Variants in LCORL observed in about 807,000 individuals in gnomAD.
The protein encoded by LCORL is ligand dependent nuclear receptor corepressor like, also known as ligand-dependent nuclear receptor corepressor-like protein.
A neutral mutation model predicts 141.8 loss-of-function variants in LCORL; 41 were observed. The ratio of observed to expected loss-of-function variants is 0.29; its 90% confidence interval spans 0.23 to 0.38. The LOEUF (loss-of-function observed/expected upper bound fraction) is 0.38, where lower values mean the gene tolerates loss of function less well. Among genes scored for constraint, LCORL ranks in the 10% least tolerant of loss-of-function variants. The pLI, the probability that LCORL is intolerant of heterozygous loss-of-function variation, is 1.00. For missense variants in LCORL, 1,759 were observed against 2,035.0 expected (o/e 0.86, Z 2.61); for synonymous variants, 618 against 694.1 (o/e 0.89, Z 1.72).
At chr4:17,950,216 T>C (rs1401057445) in intron 4 of LCORL, among the ~76,000 whole-genome samples, 1 of 152,200 alleles carries the variant, frequency 6.6e-6, no homozygotes, top group Non-Finnish European at 1.5e-5. Flanking sequence ...AAAACTTGCA[T>C]ATGAAGGTAT....
chr4:17,876,177 A>T, exon 7 of LCORL: 1 of 1,230,980 alleles, frequency 8.1e-7, no homozygotes, highest in Non-Finnish European at 1.0e-6. Flanking sequence ...TACATTTTCA[A>T]CACTGGAAAT....
intron 4 of LCORL, among the ~76,000 whole-genome samples, chr4:17,939,105 A>G (rs753269918): frequency 1.4e-4 from 21 of 152,252 alleles, no homozygotes; most frequent in Admixed American, 3.9e-4. Flanking sequence ...CAACCCAATT[A>G]AAAATGAGCA....
exon 7 of LCORL, chr4:17,874,136 T>C (rs534517497): frequency 9.8e-5 from 121 of 1,233,912 alleles, no homozygotes; most frequent in Non-Finnish European, 1.2e-4. Context: ...TCCAGTCAAC[T>C]GTTCCATGGT....
Position 18,021,108 on chromosome 4 carries a change from C to G in LCORL, c.154+490G>C, listed in dbSNP as rs1337568095. ...CAGGTCCAGGTCCCCGGGAACTGGC[C>G]GCGTCTGCTCACCCGGCCCCCGGCG... On this transcript the variant is annotated intron_variant, in intron 1 of 7. Transcript: ENST00000635767. The surrounding 1 kb of genome is among the most constrained non-coding windows in gnomAD (Gnocchi z 5.5). Among the ~76,000 whole-genome samples, 2 of 152,036 alleles carry G rather than the reference C, an allele frequency of 1.3e-5. No individual in the cohort carries two copies. Among genetic ancestry groups the G allele is most frequent in the Non-Finnish European group, 2.9e-5 (2 of 67,978 alleles).
intron 5 of LCORL, among the ~76,000 whole-genome samples, chr4:17,886,463 T>G (rs773238004): frequency 1.3e-5 from 2 of 152,034 alleles, no homozygotes; most frequent in African/African-American, 4.8e-5. Flanking sequence ...TGAATAGCCA[T>G]TGATTGCTCA....
At chr4:17,903,272 T>C (rs1242050837) in intron 5 of LCORL, among the ~76,000 whole-genome samples, 1 of 152,090 alleles carries the variant, frequency 6.6e-6, no homozygotes, top group Non-Finnish European at 1.5e-5. Context: ...AGAGGTTTAC[T>C]ATAATGAAAG....
chr4:17,905,662 T>C (rs568636289), intron 5 of LCORL, among the ~76,000 whole-genome samples: 1 of 152,106 alleles, frequency 6.6e-6, no homozygotes, highest in African/African-American at 2.4e-5. Context: ...CATAAACTTA[T>C]GGTTTATACT....
chr4:17,919,965 T>C (rs1016668322), intron 4 of LCORL, among the ~76,000 whole-genome samples: 2 of 152,232 alleles, frequency 1.3e-5, no homozygotes, highest in Admixed American at 6.5e-5. Context: ...TGAAGTGCCC[T>C]GGAGGGTGGC....
intron 6 of LCORL, chr4:17,881,892 C>T (rs1185404866): frequency 1.0e-6 from 1 of 982,834 alleles, no homozygotes; most frequent in African/African-American, 1.8e-5. Context: ...AAGTTCTGGC[C>T]CTCACAAAAT....
At chr4:17,959,849 C>T (rs924769426) in intron 4 of LCORL, among the ~76,000 whole-genome samples, 4 of 152,058 alleles carry the variant, frequency 2.6e-5, no homozygotes, top group African/African-American at 7.2e-5. Flanking sequence ...TTTAACAACA[C>T]GTCATAATAC....
chr4:17,965,028 T>C (rs73242135), intron 2 of LCORL, among the ~76,000 whole-genome samples: 503 of 152,184 alleles, frequency 3.3e-3, no homozygotes, highest in Non-Finnish European at 5.6e-3. Flanking sequence ...ATTAAGACAA[T>C]TGCCAGTTGT....
At chr4:17,859,093 C>A (rs1312234017) in intron 7 of LCORL, among the ~76,000 whole-genome samples, 1 of 151,762 alleles carries the variant, frequency 6.6e-6, no homozygotes, top group African/African-American at 2.4e-5. Flanking sequence ...TTAGCAGAAA[C>A]CATGCTTTGA....
chr4:17,991,168 CCT>C (rs1250627876), intron 1 of LCORL, among the ~76,000 whole-genome samples: 2 of 151,824 alleles, frequency 1.3e-5, no homozygotes, highest in Non-Finnish European at 2.9e-5. Flanking sequence ...CCTAGCATAA[CCT>C]CTCTCATCAC....
intron 1 of LCORL, among the ~76,000 whole-genome samples, chr4:18,018,352 A>C (rs1262134082): frequency 1.3e-5 from 2 of 152,186 alleles, no homozygotes; most frequent in African/African-American, 2.4e-5. Flanking sequence ...ACTATAACAC[A>C]GTACAGTATA....
At chr4:18,016,842 C>CT (rs942811887) in intron 1 of LCORL, among the ~76,000 whole-genome samples, 35 of 152,242 alleles carry the variant, frequency 2.3e-4, no homozygotes, top group Admixed American at 7.2e-4. Flanking sequence ...CTAAACCAAT[C>CT]TTTGTCATTC....
chr4:17,929,801 C>T (rs1335125916), intron 4 of LCORL, among the ~76,000 whole-genome samples: 1 of 152,084 alleles, frequency 6.6e-6, no homozygotes, highest in Non-Finnish European at 1.5e-5. Context: ...CTTCAAAGGA[C>T]ACTACCAAGA....
intron 6 of LCORL, 170 bp from the exon 7 acceptor site, chr4:17,878,383 A>C (rs1198825434): frequency 1.1e-5 from 2 of 176,204 alleles, no homozygotes; most frequent in Admixed American, 1.3e-4. Context: ...ATAATGAAGC[A>C]CTGATAATTA....
chr4:17,908,370 C>T (rs868831789), intron 5 of LCORL, among the ~76,000 whole-genome samples: 1 of 152,330 alleles, frequency 6.6e-6, no homozygotes, highest in South Asian at 2.1e-4. Flanking sequence ...AAACTAACAT[C>T]ACTGCCTTCT....
At chr4:17,956,691 C>T (rs542358726) in intron 4 of LCORL, among the ~76,000 whole-genome samples, 2 of 151,924 alleles carry the variant, frequency 1.3e-5, no homozygotes, top group Non-Finnish European at 2.9e-5. Context: ...CAAACCTACA[C>T]AGTTAGCTAG....
Sources: allele counts gnomAD v4.1 joint callset (sites outside exome capture counted in the v4.1 genomes callset), GRCh38; gene constraint gnomAD v4.1.1; non-coding constraint Gnocchi (gnomAD v3.1); transcripts MANE v1.5; gene names NCBI Gene and HGNC (gene_info 2026-07-23, HGNC 2026-07-21).